DOK6: variants seen among roughly 807,000 people sequenced by gnomAD.
DOK6 encodes docking protein 6.
Under a neutral mutation model 44.0 loss-of-function variants are expected in DOK6, and 22 were observed. The observed-to-expected ratio is 0.50, with a 90% CI of 0.36 to 0.71. The LOEUF (loss-of-function observed/expected upper bound fraction) is 0.71, where lower values mean the gene tolerates loss of function less well. Ranked by LOEUF, DOK6 falls within the 30% of genes least tolerant of loss-of-function variation. The pLI, the probability that DOK6 is intolerant of heterozygous loss-of-function variation, is 0.00. For missense variants in DOK6, 340 were observed against 416.4 expected (o/e 0.82, Z 1.60); for synonymous variants, 166 against 145.5 (o/e 1.14, Z -1.01).
At position 69,607,989 on chromosome 18, in the gene DOK6, T is replaced by G. The variant is rs1259554819; in HGVS notation, c.289+8491T>G. Among the ~76,000 whole-genome samples, 3 of 152,224 alleles carry G rather than the reference T, an allele frequency of 2.0e-5. No individual in the cohort carries two copies. The East Asian group carries it at 5.8e-4, about 29-fold the overall frequency. Reference sequence around the variant, plus strand: ...ATTACAGTTATGCAAAGATTATGACTAGGCAATTCACATTTTTATAAATAC... The same window carrying G: ...ATTACAGTTATGCAAAGATTATGACGAGGCAATTCACATTTTTATAAATAC... On this transcript the variant is annotated intron_variant, in intron 3 of 7. Transcript: ENST00000382713.
intron 1 of DOK6, among the ~76,000 whole-genome samples, chr18:69,517,172 C>A (rs1239137123): frequency 1.3e-5 from 2 of 152,116 alleles, no homozygotes; most frequent in Non-Finnish European, 2.9e-5. Context: ...TCTCTGAAGA[C>A]CCCTAAGTCA....
At chr18:69,522,604 G>A (rs1278439809) in intron 1 of DOK6, among the ~76,000 whole-genome samples, 2 of 151,980 alleles carry the variant, frequency 1.3e-5, no homozygotes, top group Non-Finnish European at 2.9e-5. Flanking sequence ...AGACAAAAAA[G>A]TAGAGACTCA....
At chr18:69,642,761 G>C (rs1014437658) in intron 3 of DOK6, among the ~76,000 whole-genome samples, 1 of 152,090 alleles carries the variant, frequency 6.6e-6, no homozygotes, top group Non-Finnish European at 1.5e-5. Flanking sequence ...GAAGGTACAC[G>C]ATGCCAATTT....
intron 1 of DOK6, chr18:69,469,596 T>G: frequency 1.0e-5 from 2 of 196,504 alleles, no homozygotes; most frequent in South Asian, 1.4e-4. Flanking sequence ...ACATCATGGT[T>G]CCCTGCGTGC....
intron 1 of DOK6, among the ~76,000 whole-genome samples, chr18:69,503,156 C>A (rs1981092262): frequency 6.6e-6 from 1 of 152,000 alleles, no homozygotes; most frequent in Admixed American, 6.6e-5. Flanking sequence ...TAATAAATAG[C>A]TACATGTGTG....
At chr18:69,569,723 A>G in intron 2 of DOK6, among the ~76,000 whole-genome samples, 1 of 152,176 alleles carries the variant, frequency 6.6e-6, no homozygotes, top group East Asian at 1.9e-4. Context: ...TTTTTTAGAA[A>G]TCCTAATATA....
chr18:69,463,257 T>G lies in DOK6; in HGVS notation c.66+61947T>G, dbSNP rs190514544. Among the ~76,000 whole-genome samples, 662 of 152,228 alleles carry G rather than the reference T, an allele frequency of 4.3e-3. 5 individuals are homozygous for G. Among genetic ancestry groups the G allele is most frequent in the Non-Finnish European group, 6.9e-3 (469 of 68,002 alleles). On this transcript the variant is annotated intron_variant, in intron 1 of 7. Transcript: ENST00000382713. ...TGAAGGTTCTGCCCTCTGTACCTAA[T>G]AACCTCCCCAGGGCCTCTCCTCTCC...
intron 1 of DOK6, among the ~76,000 whole-genome samples, chr18:69,438,468 G>T (rs1487059256): frequency 3.9e-5 from 6 of 152,144 alleles, no homozygotes; most frequent in Non-Finnish European, 7.3e-5. Context: ...TACTGTGTCT[G>T]TAGTTCCTTC....
chr18:69,555,902 G>A (rs190500251), intron 1 of DOK6, among the ~76,000 whole-genome samples: 4 of 152,224 alleles, frequency 2.6e-5, no homozygotes, highest in Middle Eastern at 3.4e-3. Flanking sequence ...AACAAAACAC[G>A]TTATTGTGGC....
chr18:69,441,703 A>G (rs1177363108), intron 1 of DOK6, among the ~76,000 whole-genome samples: 1 of 152,198 alleles, frequency 6.6e-6, no homozygotes, highest in Non-Finnish European at 1.5e-5. Context: ...CTTTTTTATA[A>G]TATAAATATC....
intron 1 of DOK6, among the ~76,000 whole-genome samples, chr18:69,549,635 C>T (rs908819685): frequency 4.6e-5 from 7 of 151,418 alleles, no homozygotes. Context: ...TTCCATAAAG[C>T]AGTTTGTATC....
chr18:69,471,279 A>AAG (rs1980097959), intron 1 of DOK6, among the ~76,000 whole-genome samples: 16 of 144,102 alleles, frequency 1.1e-4, no homozygotes, highest in Middle Eastern at 3.5e-3. Flanking sequence ...AAAAAAAAAA[A>AAG]GGGGTGATTT....
intron 4 of DOK6, among the ~76,000 whole-genome samples, chr18:69,692,063 T>A (rs1436708224): frequency 6.6e-6 from 1 of 152,188 alleles, no homozygotes; most frequent in Non-Finnish European, 1.5e-5. Context: ...TTCATTATTC[T>A]TACCCTGGAA....
chr18:69,789,150 A>T (rs1980519121), intron 7 of DOK6, among the ~76,000 whole-genome samples: 1 of 152,194 alleles, frequency 6.6e-6, no homozygotes, highest in Admixed American at 6.5e-5. Context: ...TGTGAAAATG[A>T]TGCTAGTACA....
At chr18:69,459,565 C>T (rs1263656391) in intron 1 of DOK6, among the ~76,000 whole-genome samples, 1 of 152,178 alleles carries the variant, frequency 6.6e-6, no homozygotes, top group Non-Finnish European at 1.5e-5. Context: ...AAATCCCAAT[C>T]AGCATTGTTT....
At chr18:69,419,465 A>C (rs1035854082) in intron 1 of DOK6, among the ~76,000 whole-genome samples, 2 of 152,204 alleles carry the variant, frequency 1.3e-5, no homozygotes, top group African/African-American at 4.8e-5. Context: ...CAGTAAAATT[A>C]CTTTTCAAAA....
At chr18:69,700,487 C>T (rs1023509330) in intron 5 of DOK6, among the ~76,000 whole-genome samples, 46 of 151,952 alleles carry the variant, frequency 3.0e-4, no homozygotes, top group African/African-American at 9.9e-4. Context: ...CCATTTATAC[C>T]TGTCCACATT....
chr18:69,757,367 G>C (rs1306079828), intron 6 of DOK6, among the ~76,000 whole-genome samples: 1 of 152,126 alleles, frequency 6.6e-6, no homozygotes, highest in Non-Finnish European at 1.5e-5. Context: ...TACTTTTTTA[G>C]TTATTTTACA....
At chr18:69,829,150 GAA>G (rs1981832521) in intron 7 of DOK6, among the ~76,000 whole-genome samples, 1 of 150,386 alleles carries the variant, frequency 6.6e-6, no homozygotes, top group African/African-American at 2.4e-5. Context: ...AACAGAGGTG[GAA>G]AAGAGGGAGA....
Sources: gnomAD v4.1 joint callset for allele counts (sites outside exome capture counted in the v4.1 genomes callset) on GRCh38, gnomAD v4.1.1 for gene constraint, MANE v1.5 for transcripts, NCBI Gene and HGNC (gene_info 2026-07-23, HGNC 2026-07-21) for gene names.